HIP1R: variants seen among roughly 807,000 people sequenced by gnomAD.
The protein encoded by HIP1R is huntingtin-interacting protein 1-related protein.
In HIP1R, 135 loss-of-function variants were observed where a neutral mutation model predicts 144.2. The ratio of observed to expected loss-of-function variants is 0.94; its 90% CI spans 0.81 to 1.08. The LOEUF (loss-of-function observed/expected upper bound fraction) is 1.08, where lower values mean the gene tolerates loss of function less well. Among genes scored for constraint, HIP1R ranks in the 50% least tolerant of loss-of-function variants. The probability of loss-of-function intolerance (pLI) is 0.00; values close to 1 mark genes in which losing one functional copy is unlikely to be tolerated. For missense variants in HIP1R, 1,462 were observed against 1,432.8 expected, an observed-to-expected ratio of 1.02 and a Z score of -0.33; for synonymous variants, 698 against 612.8, an observed-to-expected ratio of 1.14 and a Z score of -2.05.
In HIP1R at chr12:122,840,704, G is replaced by C. The variant is rs2033032411; in HGVS notation, c.93+5061G>C. Reference sequence around the variant, plus strand: ...AGGCCTTGTGTGCTGGGGCGGTTGGGGAGAAAAGTGGATCTGCACAGAGGT... The same window carrying C: ...AGGCCTTGTGTGCTGGGGCGGTTGGCGAGAAAAGTGGATCTGCACAGAGGT... On this transcript the variant is annotated intron_variant, in intron 1 of 31. Transcript: ENST00000253083. The surrounding 1 kb of genome is among the most constrained non-coding windows in gnomAD (Gnocchi z 4.2). 6.6e-6 allele frequency among the ~76,000 whole-genome samples: 1 copy of C among 152,204 alleles called. No individual in the cohort carries two copies. Among genetic ancestry groups the C allele is most frequent in the Non-Finnish European group, 1.5e-5 (1 of 68,034 alleles).
chr12:122,848,287 T>G (rs2292132), intron 2 of HIP1R, among the ~76,000 whole-genome samples, 179 bp from the exon 3 acceptor site: 1 of 152,112 alleles, frequency 6.6e-6, no homozygotes, highest in Non-Finnish European at 1.5e-5. Flanking sequence ...GCCCAATGAT[T>G]TCCTTGTCTT....
intron 15 of HIP1R, 42 bp downstream of exon 15, chr12:122,856,386 T>C: frequency 6.2e-7 from 1 of 1,610,150 alleles, no homozygotes; most frequent in Non-Finnish European, 8.5e-7. Context: ...TGGCAGGGCC[T>C]CTCGGGGATG....
rs1474665706 is a variant in HIP1R at position 122,855,736 on chromosome 12, T to C, written c.1056-95T>C. On this transcript the variant is annotated intron_variant, in intron 12 of 31. Transcript: ENST00000253083. ...AACATGAACCCGTGAGGTGCCCAAA[T>C]CCTGAGTGGCCACTGAGGAGGAGAC... 3.3e-6 allele frequency: 5 copies of C among 1,510,212 alleles called. No individual in the cohort carries two copies. In the East Asian group the frequency reaches 7.4e-5, roughly 22 times the overall value. 93.6% of individuals were successfully genotyped at this position (1,510,212 alleles called of 1,614,324 possible). A position where few individuals can be genotyped will look rare whatever the true frequency, so the allele number is the denominator to read the frequency against.
intron 20 of HIP1R, among the ~76,000 whole-genome samples, 175 bp downstream of exon 20, chr12:122,858,610 C>T (rs924612469): frequency 6.6e-6 from 1 of 152,236 alleles, no homozygotes; most frequent in African/African-American, 2.4e-5. Flanking sequence ...GACAAATAGG[C>T]TTTTGCCTCT....
chr12:122,856,014 T>C lies in HIP1R; in HGVS notation c.1163T>C (p.Val388Ala). Residue 388 changes from valine (V) to alanine (A), a missense_variant, in exon 14 of 32, where the codon GTG becomes GCG. Physicochemically the swap from Val to Ala is moderately conservative, Grantham distance 64. Coordinates refer to ENST00000253083, the MANE Select transcript of HIP1R (RefSeq NM_003959.3). ...QRYIAQLKSQ[V>A]NALEGELEEQ... The stretch of plus-strand genomic sequence containing the variant: ...TACATCGCGCAGCTGAAGAGCCAGG[T>C]GAATGCACTGGAGGGTGAGCTGGAG... 1.9e-6 allele frequency: 3 copies of C among 1,595,432 alleles called. No individual in the cohort carries two copies. Among genetic ancestry groups the C allele is most frequent in the Non-Finnish European group, 2.6e-6 (3 of 1,171,450 alleles).
Position 122,854,151 on chromosome 12 carries a change from AC to A in HIP1R, c.687del (p.Tyr229Ter), listed in dbSNP as rs1187355082. On this transcript the variant is annotated frameshift_variant, in exon 8 of 32. Coordinates refer to ENST00000253083, the MANE Select transcript of HIP1R (RefSeq NM_003959.3). LOFTEE classifies it high-confidence loss of function. ...CAGGACTGCAGCCACCTCTACCACT[AC>A]ACGGTCAAGCTCCTGTTCAAGCTAC... ...VIQDCSHLYH[Y>X]TVKLLFKLHS... is the part of the protein sequence containing the mutation. 6.2e-7 allele frequency: 1 copy of A among 1,613,556 alleles called. No homozygotes were observed. The highest frequency in any genetic ancestry group is 8.5e-7 in the Non-Finnish European group (1 of 1,179,868).
rs372949577 is a variant in HIP1R at position 122,861,730 on chromosome 12, C to T, written c.3184C>T (p.Pro1062Ser). Residue 1062 changes from proline (P) to serine (S), a missense_variant, in exon 32 of 32, where the codon CCA becomes TCA. By Grantham distance (74) the Pro-to-Ser change is moderately conservative. Transcript: ENST00000253083. ...GCTTGACAAAAAGGATGGCATCTAC[C>T]CAGCTCAACTCGTGAACTACTAGGC... ...HQLDKKDGIYPAQLVNY is the reference protein window; with the variant it reads ...HQLDKKDGIYSAQLVNY 2 of 1,613,992 alleles carry T rather than the reference C, an allele frequency of 1.2e-6. No individual in the cohort carries two copies. Among genetic ancestry groups the T allele is most frequent in the Non-Finnish European group, 1.7e-6 (2 of 1,180,024 alleles).
chr12:122,854,296 G>T, intron 8 of HIP1R, 113 bp downstream of exon 8: 222 of 529,434 alleles, frequency 4.2e-4, no homozygotes, highest in East Asian at 7.0e-4. Context: ...AAAAATGGCA[G>T]TAATAAACCC....
rs755402650 is a variant in HIP1R at position 122,860,533 on chromosome 12, C to T, written c.2660+10C>T. The T allele has an allele frequency of 6.2e-7, 1 of 1,605,592 alleles. No individual in the cohort carries two copies. Among genetic ancestry groups the T allele is most frequent in the African/African-American group, 1.3e-5 (1 of 74,684 alleles). ...GAGCCACACAGCTGGTGTAGGTTGC[C>T]CTGGGTGGGGGGGGGCAGGGGGCTG... On this transcript the variant is annotated intron_variant, in intron 27 of 31. Transcript: ENST00000253083.
At chr12:122,838,379 T>C (rs1306399789) in intron 1 of HIP1R, among the ~76,000 whole-genome samples, 1 of 152,162 alleles carries the variant, frequency 6.6e-6, no homozygotes, top group Non-Finnish European at 1.5e-5. Flanking sequence ...GTCTTGTTGC[T>C]GTTTTCTGAA....
At chr12:122,834,911 GA>G, upstream of HIP1R, 6 of 1,278,982 alleles carry the variant, frequency 4.7e-6, no homozygotes, top group Non-Finnish European at 6.1e-6. Flanking sequence ...GACCAAAAAG[GA>G]AAAAAAGCGT....
chr12:122,855,037 C>A lies in HIP1R; in HGVS notation c.777-16C>A, dbSNP rs2033522400. ...GTGGCCCCTTCCTGAACCCGAACTT[C>A]CCACCATCTCTGCAGCCTCAGGAAC... On this transcript the variant is annotated splice_polypyrimidine_tract_variant and intron_variant, in intron 9 of 31. Transcript: ENST00000253083. 6.2e-7 allele frequency: 1 copy of A among 1,613,892 alleles called. No homozygotes were observed. Among genetic ancestry groups the A allele is most frequent in the East Asian group, 2.2e-5 (1 of 44,874 alleles).
chr12:122,861,836 T>A lies in HIP1R; in HGVS notation c.*83T>A. The stretch of plus-strand genomic sequence containing the variant: ...TGACAGGACCGAGAGGCCTTGCCCC[T>A]CCACCTGGTGCCCAAGCCTCCCGCC... On this transcript the variant is annotated 3_prime_UTR_variant, in exon 32 of 32. Coordinates refer to ENST00000253083, the MANE Select transcript of HIP1R (RefSeq NM_003959.3). The A allele has an allele frequency of 7.5e-7, 1 of 1,328,662 alleles. No individual in the cohort carries two copies. Among genetic ancestry groups the A allele is most frequent in the Non-Finnish European group, 1.1e-6 (1 of 937,742 alleles). 82.3% of individuals were successfully genotyped at this position (1,328,662 alleles called of 1,614,324 possible). A position where few individuals can be genotyped will look rare whatever the true frequency, so the allele number is the denominator to read the frequency against.
intron 7 of HIP1R, among the ~76,000 whole-genome samples, chr12:122,852,561 A>C (rs1211786921): frequency 6.6e-6 from 1 of 152,164 alleles, no homozygotes; most frequent in Admixed American, 6.5e-5. Context: ...GTGTTGATGA[A>C]GCACAAATGG....
chr12:122,859,972 T>C, intron 24 of HIP1R, 75 bp from the exon 25 acceptor site: 2 of 1,491,872 alleles, frequency 1.3e-6, no homozygotes, highest in Non-Finnish European at 9.0e-7. Context: ...TGAGCCCTGA[T>C]GTGGCCAGGC....
At chr12:122,858,556 T>A in intron 20 of HIP1R, 121 bp downstream of exon 20, 1 of 790,940 alleles carries the variant, frequency 1.3e-6, no homozygotes, top group Non-Finnish European at 2.0e-6. Flanking sequence ...GCCAAGCAGA[T>A]GCCCCCTGCC....
chr12:122,839,643 G>A lies in HIP1R; in HGVS notation c.93+4000G>A, dbSNP rs573357061. Among the ~76,000 whole-genome samples, 19 of 152,338 alleles carry A rather than the reference G, an allele frequency of 1.2e-4. No homozygotes were observed. The South Asian group carries it at 2.3e-3, about 18-fold the overall frequency. The stretch of plus-strand genomic sequence containing the variant: ...CCAGGAGGAACCAGAGGCAAGCCAC[G>A]TGTGTACTTTTAGATTGTCTAGTAA... On this transcript the variant is annotated intron_variant, in intron 1 of 31. Coordinates refer to ENST00000253083, the MANE Select transcript of HIP1R (RefSeq NM_003959.3).
chr12:122,859,181 T>C lies in HIP1R; in HGVS notation c.2279T>C (p.Ile760Thr). 1.3e-6 allele frequency: 2 copies of C among 1,573,692 alleles called. No individual in the cohort carries two copies. The highest frequency in any genetic ancestry group is 1.7e-6 in the Non-Finnish European group (2 of 1,160,326). ...CTGGTGCGGACACCCCTGCAGGGCA[T>C]CCTTCAGCTGGGCCAGGTGAGGCAC... ...ASLVRTPLQG[I>T]LQLGQELKPK... Residue 760 changes from isoleucine to threonine, a missense_variant, in exon 22 of 32, where the codon ATC (isoleucine) becomes ACC (threonine). Physicochemically the swap from Ile to Thr is moderately conservative, Grantham distance 89 (BLOSUM62 -1). Around this residue, in one of 2 missense-constraint regions of HIP1R, gnomAD observed 1,112 missense variants for 1,011.7 expected, o/e 1.10. Coordinates refer to ENST00000253083, the MANE Select transcript of HIP1R (RefSeq NM_003959.3).
chr12:122,855,118 G>C lies in HIP1R; in HGVS notation c.842G>C (p.Arg281Pro). ...LYFKRLIQIP[R>P]LPEGPPNFLR... is the part of the protein sequence containing the mutation. The stretch of plus-strand genomic sequence containing the variant: ...TTCAAGCGGCTCATCCAGATCCCCC[G>C]GCTGCCCGAGGTACCACCCCCAAGA... The change falls in exon 10 of 32, where the codon CGG becomes CCG. Residue 281 changes from arginine (R) to proline (P), a missense_variant. Arg to Pro is a moderately radical substitution (Grantham distance 103). This residue lies in a region of HIP1R where 350 missense variants were observed against 421.1 expected (regional missense o/e 0.83). Transcript: ENST00000253083. 6.2e-7 allele frequency: 1 copy of C among 1,613,532 alleles called. No individual in the cohort carries two copies. The highest frequency in any genetic ancestry group is 8.5e-7 in the Non-Finnish European group (1 of 1,179,990).
Sources: allele counts gnomAD v4.1 joint callset (sites outside exome capture counted in the v4.1 genomes callset), GRCh38; gene constraint gnomAD v4.1.1; regional missense constraint gnomAD v4.1.1; non-coding constraint Gnocchi (gnomAD v3.1); transcripts MANE v1.5; gene names NCBI Gene and HGNC (gene_info 2026-07-23, HGNC 2026-07-21).